Variants in FIP1L1 observed in about 807,000 individuals in gnomAD.
FIP1L1 encodes pre-mRNA 3'-end-processing factor FIP1.
Under a neutral mutation model 84.6 loss-of-function variants are expected in FIP1L1, and 21 were observed. The ratio of observed to expected loss-of-function variants is 0.25; its 90% confidence interval spans 0.18 to 0.36. The LOEUF (loss-of-function observed/expected upper bound fraction) is 0.36, where lower values mean the gene tolerates loss of function less well. FIP1L1 is among the 10% of genes least tolerant of loss of function. The pLI is 1.00. For missense variants in FIP1L1, 526 were observed against 751.1 expected (o/e 0.70, Z 3.50); for synonymous variants, 263 against 242.3 (o/e 1.09, Z -0.80).
intron 5 of FIP1L1, among the ~76,000 whole-genome samples, chr4:53,386,659 A>G (rs1741236998): frequency 6.6e-6 from 1 of 152,202 alleles, no homozygotes. Flanking sequence ...CTGCCTAACA[A>G]TAAATATATT....
In FIP1L1 at chr4:53,460,760, A is replaced by T. The variant is rs1274533278; in HGVS notation, c.*1311A>T. On this transcript the variant is annotated 3_prime_UTR_variant, in exon 18 of 18. Coordinates refer to ENST00000337488, the MANE Select transcript of FIP1L1 (RefSeq NM_030917.4). ...TTGGAATCATATTTTCTGAGGTGTA[A>T]CTGGCTTTCATTAGATGATCATACT... 1.3e-5 allele frequency: 10 copies of T among 794,274 alleles called. No individual in the cohort carries two copies. The highest frequency in any genetic ancestry group is 2.0e-5 in the Non-Finnish European group (10 of 512,558). The allele number at this position is 794,274 out of a possible 1,614,324, so 49.2% of individuals were successfully genotyped here.
rs1364349049 is a variant in FIP1L1, at chr4:53,384,589, T to C, written c.332+713T>C. Among the ~76,000 whole-genome samples, 16 of 152,324 alleles carry C rather than the reference T, an allele frequency of 1.1e-4. No homozygotes were observed. The South Asian group carries it at 2.9e-3, about 28-fold the overall frequency. ...GTATTTCTTTTTGTTCTTAATAGTG[T>C]TTTCAGGTTTCTAATTCTCCCTTAG... On this transcript the variant is annotated intron_variant, in intron 5 of 17. Transcript: ENST00000337488.
At chr4:53,417,484 A>G (rs1281034586) in intron 11 of FIP1L1, among the ~76,000 whole-genome samples, 1 of 151,778 alleles carries the variant, frequency 6.6e-6, no homozygotes, top group Non-Finnish European at 1.5e-5. Flanking sequence ...TCTACTAAAA[A>G]TACAAAAATT....
At chr4:53,409,469 A>T (rs1488082696) in intron 10 of FIP1L1, among the ~76,000 whole-genome samples, 1 of 152,224 alleles carries the variant, frequency 6.6e-6, no homozygotes, top group Non-Finnish European at 1.5e-5. Flanking sequence ...TTGAGGAGGC[A>T]GTCTGCCCGT....
intron 11 of FIP1L1, 110 bp downstream of exon 11, chr4:53,414,832 A>C (rs573499226): frequency 1.4e-6 from 1 of 695,350 alleles, no homozygotes; most frequent in South Asian, 2.1e-5. Flanking sequence ...TTACCCTCCA[A>C]CTTATGCTTT....
At chr4:53,432,821 A>G (rs1179450197) in intron 13 of FIP1L1, among the ~76,000 whole-genome samples, 2 of 152,184 alleles carry the variant, frequency 1.3e-5, no homozygotes, top group Non-Finnish European at 2.9e-5. Flanking sequence ...ATGAATCAGT[A>G]CCTATATCCA....
chr4:53,421,058 C>A (rs1446913919), intron 11 of FIP1L1, among the ~76,000 whole-genome samples: 1 of 152,130 alleles, frequency 6.6e-6, no homozygotes, highest in Admixed American at 6.5e-5. Flanking sequence ...CTGGTGTACA[C>A]CCTGTGCATC....
intron 13 of FIP1L1, among the ~76,000 whole-genome samples, chr4:53,439,444 C>A (rs1442422449): frequency 6.6e-6 from 1 of 151,984 alleles, no homozygotes; most frequent in Non-Finnish European, 1.5e-5. Context: ...ACCTTAAGAT[C>A]TTTTTAATCT....
Position 53,404,602 on chromosome 4 carries a change from G to C in FIP1L1, c.815+4763G>C, listed in dbSNP as rs1752176341. Among the ~76,000 whole-genome samples, 4 of 150,566 alleles carry C rather than the reference G, an allele frequency of 2.7e-5. No individual in the cohort carries two copies. The South Asian group carries it at 8.4e-4, about 32-fold the overall frequency. ...GAATCGCCACACTGACTTCCACAAT[G>C]GTTGAACTACTTTACAGTCCCACCA... is the stretch of plus-strand genomic sequence containing the variant. On this transcript the variant is annotated intron_variant, in intron 10 of 17. Transcript: ENST00000337488.
intron 10 of FIP1L1, among the ~76,000 whole-genome samples, chr4:53,412,114 G>A (rs2149721657): frequency 6.6e-6 from 1 of 152,068 alleles, no homozygotes; most frequent in South Asian, 2.1e-4. Flanking sequence ...TCCATATACT[G>A]TATCCAGATT....
At chr4:53,457,483 A>G (rs747007537) in intron 16 of FIP1L1, among the ~76,000 whole-genome samples, 4 of 152,166 alleles carry the variant, frequency 2.6e-5, no homozygotes, top group Non-Finnish European at 5.9e-5. Context: ...TGTATCACAG[A>G]TAATAACTTG....
intron 1 of FIP1L1, 188 bp downstream of exon 1, chr4:53,378,111 C>T: frequency 2.0e-6 from 1 of 488,116 alleles, no homozygotes; most frequent in Non-Finnish European, 3.5e-6. Context: ...CCGCCTGGCC[C>T]ACGCCCACCA....
intron 4 of FIP1L1, among the ~76,000 whole-genome samples, chr4:53,382,715 C>T (rs1365406468): frequency 6.6e-6 from 1 of 152,168 alleles, no homozygotes; most frequent in East Asian, 1.9e-4. Context: ...TGACTGCATG[C>T]CTGCATGCCA....
intron 4 of FIP1L1, 46 bp from the exon 5 acceptor site, chr4:53,383,727 A>C (rs573336752): frequency 6.5e-7 from 1 of 1,528,686 alleles, no homozygotes; most frequent in Non-Finnish European, 8.8e-7. Flanking sequence ...TTAGATGTTG[A>C]AATGGATTAC....
chr4:53,415,822 G>C (rs991693655), intron 11 of FIP1L1, among the ~76,000 whole-genome samples: 1 of 151,814 alleles, frequency 6.6e-6, no homozygotes, highest in Non-Finnish European at 1.5e-5. Flanking sequence ...ACATCTCAAA[G>C]TAAGAATGTC....
intron 10 of FIP1L1, among the ~76,000 whole-genome samples, chr4:53,406,874 A>G (rs1753829764): frequency 1.3e-5 from 2 of 151,940 alleles, no homozygotes; most frequent in Middle Eastern, 3.4e-3. Context: ...GTCATTTTTT[A>G]TTGTGTGTAT....
At chr4:53,432,828 T>G (rs1440503206) in intron 13 of FIP1L1, among the ~76,000 whole-genome samples, 1 of 152,186 alleles carries the variant, frequency 6.6e-6, no homozygotes, top group Non-Finnish European at 1.5e-5. Context: ...AGTACCTATA[T>G]CCAGAAAATC....
chr4:53,390,192 G>A (rs1377639053), intron 6 of FIP1L1, among the ~76,000 whole-genome samples: 2 of 152,082 alleles, frequency 1.3e-5, no homozygotes, highest in Non-Finnish European at 2.9e-5. Context: ...TACCTGCCTT[G>A]GCCTCCCAGA....
intron 10 of FIP1L1, among the ~76,000 whole-genome samples, chr4:53,406,354 G>A (rs1753452388): frequency 6.6e-6 from 1 of 152,198 alleles, no homozygotes; most frequent in South Asian, 2.1e-4. Context: ...TCCCAGGGAT[G>A]AAGCCCACTT....
Sources: gnomAD v4.1 joint callset for allele counts (sites outside exome capture counted in the v4.1 genomes callset) on GRCh38, gnomAD v4.1.1 for gene constraint, MANE v1.5 for transcripts, NCBI Gene and HGNC (gene_info 2026-07-23, HGNC 2026-07-21) for gene names.